The following CCDC170 variants were observed in gnomAD, a reference collection of about 807,000 sequenced individuals.
The protein encoded by CCDC170 is coiled-coil domain-containing protein 170.
A neutral mutation model predicts 72.6 loss-of-function variants in CCDC170; 69 were observed. The observed-to-expected ratio is 0.95, with a 90% CI of 0.78 to 1.16. The LOEUF (loss-of-function observed/expected upper bound fraction) is 1.16, where lower values mean the gene tolerates loss of function less well. CCDC170 is among the 50% of genes most tolerant of loss of function. The pLI is 0.00. For synonymous variants in CCDC170, 300 were observed against 303.9 expected (o/e 0.99, Z 0.13); for missense variants, 852 against 832.5 (o/e 1.02, Z -0.29).
chr6:151,518,550 G>C (rs1390875080), intron 1 of CCDC170, among the ~76,000 whole-genome samples: 3 of 152,170 alleles, frequency 2.0e-5, no homozygotes, highest in African/African-American at 7.2e-5. Flanking sequence ...ATAAAAGGGT[G>C]CCTACTCCAT....
intron 7 of CCDC170, 110 bp downstream of exon 7, chr6:151,586,199 A>AACC: frequency 9.1e-7 from 1 of 1,102,994 alleles, no homozygotes; most frequent in Non-Finnish European, 1.3e-6. Flanking sequence ...TCCTGGACTT[A>AACC]ATTGGTTAAG....
chr6:151,544,128 T>C (rs1040317371), intron 3 of CCDC170, among the ~76,000 whole-genome samples: 3 of 152,168 alleles, frequency 2.0e-5, no homozygotes, highest in African/African-American at 4.8e-5. Context: ...CCCTTATAAA[T>C]CACTGTATTG....
In CCDC170 at chr6:151,610,042, G is replaced by A. The variant is rs1046555001; in HGVS notation, c.1711-5401G>A. ...GTATCTGTTCTTTTATAAATACAAG[G>A]TTTAAAATTCAACATACCAATCCCA... is the stretch of plus-strand genomic sequence containing the variant. On this transcript the variant is annotated intron_variant, in intron 9 of 10. Transcript: ENST00000239374. 2.6e-5 allele frequency among the ~76,000 whole-genome samples: 4 copies of A among 152,240 alleles called. No individual in the cohort carries two copies. The East Asian group carries it at 5.8e-4, about 22-fold the overall frequency.
chr6:151,531,041 A>C (rs1782484012), intron 1 of CCDC170, among the ~76,000 whole-genome samples: 2 of 152,148 alleles, frequency 1.3e-5, no homozygotes, highest in Non-Finnish European at 2.9e-5. Context: ...ATTTGTTGTC[A>C]TCTGTGCACT....
intron 1 of CCDC170, among the ~76,000 whole-genome samples, chr6:151,536,057 G>T (rs1782572172): frequency 6.6e-6 from 1 of 152,210 alleles, no homozygotes; most frequent in South Asian, 2.1e-4. Context: ...AACACACTCT[G>T]CCATAGGCCA....
chr6:151,597,008 T>C (rs540037102), intron 9 of CCDC170, among the ~76,000 whole-genome samples: 9 of 152,274 alleles, frequency 5.9e-5, no homozygotes, highest in African/African-American at 2.2e-4. Flanking sequence ...GTATTTTTAG[T>C]GGAGATTGGG....
intron 5 of CCDC170, among the ~76,000 whole-genome samples, chr6:151,557,102 A>G (rs768534966): frequency 6.6e-6 from 1 of 152,064 alleles, no homozygotes; most frequent in Non-Finnish European, 1.5e-5. Flanking sequence ...TTGTGTATAT[A>G]TACCACATTA....
At chr6:151,544,362 G>A (rs1208689479) in intron 3 of CCDC170, among the ~76,000 whole-genome samples, 2 of 152,146 alleles carry the variant, frequency 1.3e-5, no homozygotes, top group Non-Finnish European at 2.9e-5. Flanking sequence ...TTTCTGCAAA[G>A]CACAGGTGTC....
Position 151,556,433 on chromosome 6 carries a change from C to A in CCDC170, c.774+7944C>A, listed in dbSNP as rs184353552. On this transcript the variant is annotated intron_variant, in intron 5 of 10. Coordinates refer to ENST00000239374, the MANE Select transcript of CCDC170 (RefSeq NM_025059.4). ...TTGAGCCACTGCACTCTAGCCTGGG[C>A]GACAAAGCGAGACCCTGTCTCAAAA... Among the ~76,000 whole-genome samples the A allele has an allele frequency of 2.6e-5, 4 of 152,172 alleles. No individual in the cohort carries two copies. In the East Asian group the frequency reaches 5.8e-4, roughly 22 times the overall value.
intron 1 of CCDC170, among the ~76,000 whole-genome samples, chr6:151,526,169 TTCTC>T (rs1189096767): frequency 6.9e-6 from 1 of 144,976 alleles, no homozygotes; most frequent in Non-Finnish European, 1.5e-5. Flanking sequence ...CCCTCCTTCC[TTCTC>T]TCTCTCTCTC....
intron 1 of CCDC170, among the ~76,000 whole-genome samples, chr6:151,521,845 G>A (rs1336546554): frequency 6.6e-6 from 1 of 152,070 alleles, no homozygotes; most frequent in African/African-American, 2.4e-5. Flanking sequence ...AATTAGCTGG[G>A]CGTGGTGGCA....
intron 7 of CCDC170, among the ~76,000 whole-genome samples, chr6:151,591,770 C>T (rs1258940986): frequency 3.3e-5 from 5 of 152,018 alleles, no homozygotes; most frequent in African/African-American, 1.2e-4. Flanking sequence ...GCTGGGATTA[C>T]AGGCATGAGC....
chr6:151,517,224 C>T (rs957857759), intron 1 of CCDC170, among the ~76,000 whole-genome samples: 1 of 151,920 alleles, frequency 6.6e-6, no homozygotes, highest in Non-Finnish European at 1.5e-5. Context: ...CCCATCTACT[C>T]GGGAGGCTGA....
chr6:151,549,618 G>A (rs2115060115), intron 5 of CCDC170, among the ~76,000 whole-genome samples: 1 of 151,712 alleles, frequency 6.6e-6, no homozygotes, highest in African/African-American at 2.4e-5. Flanking sequence ...GTAGAGACGG[G>A]GTCTCACTAT....
At chr6:151,501,031 C>T (rs1781986238) in intron 1 of CCDC170, among the ~76,000 whole-genome samples, 1 of 152,030 alleles carries the variant, frequency 6.6e-6, no homozygotes, top group Admixed American at 6.6e-5. Context: ...GAATAAATGC[C>T]TTTTGTCTAT....
intron 5 of CCDC170, among the ~76,000 whole-genome samples, chr6:151,554,023 C>T (rs76352903): frequency 2.0e-5 from 3 of 152,146 alleles, no homozygotes; most frequent in Non-Finnish European, 4.4e-5. Flanking sequence ...GAAGACTCTA[C>T]TTCAGTTCCT....
At chr6:151,511,870 G>A (rs1782154932) in intron 1 of CCDC170, among the ~76,000 whole-genome samples, 1 of 152,108 alleles carries the variant, frequency 6.6e-6, no homozygotes, top group Non-Finnish European at 1.5e-5. Flanking sequence ...TTTTGAGACA[G>A]GGTCTCAGTC....
intron 5 of CCDC170, among the ~76,000 whole-genome samples, chr6:151,569,799 A>C (rs1776192694): frequency 6.6e-6 from 1 of 152,174 alleles, no homozygotes; most frequent in Admixed American, 6.5e-5. Flanking sequence ...GCACTTAATC[A>C]GAGCACTAAG....
chr6:151,563,951 T>C (rs1484565606), intron 5 of CCDC170, among the ~76,000 whole-genome samples: 1 of 152,196 alleles, frequency 6.6e-6, no homozygotes, highest in Admixed American at 6.5e-5. Flanking sequence ...CAGTTTTCCA[T>C]TCACATTTTG....
Sources: gnomAD v4.1 joint callset for allele counts (sites outside exome capture counted in the v4.1 genomes callset) on GRCh38, gnomAD v4.1.1 for gene constraint, MANE v1.5 for transcripts, NCBI Gene and HGNC (gene_info 2026-07-23, HGNC 2026-07-21) for gene names.